Variants in DIAPH3 observed in about 807,000 individuals in gnomAD.
DIAPH3 encodes diaphanous related formin 3, also known as protein diaphanous homolog 3.
Under a neutral mutation model 144.3 loss-of-function variants are expected in DIAPH3, and 117 were observed. The ratio of observed to expected loss-of-function variants is 0.81; its 90% CI spans 0.70 to 0.95. The LOEUF is 0.95. Ranked by LOEUF, DIAPH3 falls within the 40% of genes least tolerant of loss-of-function variation. The pLI is 0.00. For synonymous variants in DIAPH3, 519 were observed against 488.9 expected (o/e 1.06, Z -0.81); for missense variants, 1,421 against 1,412.7 (o/e 1.01, Z -0.09).
chr13:59,752,090 T>A (rs961075101), intron 27 of DIAPH3, among the ~76,000 whole-genome samples: 1 of 152,234 alleles, frequency 6.6e-6, no homozygotes, highest in Admixed American at 6.5e-5. Flanking sequence ...TCCCAGCCAA[T>A]ATCCTTGTTA....
At chr13:60,075,612 G>A (rs2057353317) in intron 4 of DIAPH3, among the ~76,000 whole-genome samples, 1 of 152,118 alleles carries the variant, frequency 6.6e-6, no homozygotes, top group South Asian at 2.1e-4. Context: ...TAAAACCTCA[G>A]TCTTAATTAT....
intron 24 of DIAPH3, among the ~76,000 whole-genome samples, chr13:59,815,924 G>A (rs962377943): frequency 6.6e-6 from 1 of 151,804 alleles, no homozygotes; most frequent in Non-Finnish European, 1.5e-5. Context: ...TTGCTATACT[G>A]ACTAGGAGTT....
chr13:59,791,813 C>T (rs1014579998), intron 25 of DIAPH3, among the ~76,000 whole-genome samples: 1 of 152,144 alleles, frequency 6.6e-6, no homozygotes, highest in African/African-American at 2.4e-5. Flanking sequence ...ACAGATGCTC[C>T]TTCCTCAGAG....
At chr13:59,725,607 C>A (rs1040362736) in intron 27 of DIAPH3, among the ~76,000 whole-genome samples, 2 of 152,174 alleles carry the variant, frequency 1.3e-5, no homozygotes, top group African/African-American at 4.8e-5. Flanking sequence ...TCATCCAATA[C>A]TTGATTCCAT....
intron 27 of DIAPH3, among the ~76,000 whole-genome samples, chr13:59,764,313 T>C (rs1157956945): frequency 6.6e-6 from 1 of 151,662 alleles, no homozygotes; most frequent in East Asian, 2.0e-4. Flanking sequence ...AGTCAGACTG[T>C]CTAGATGGTG....
chr13:59,760,784 C>A (rs866598832), intron 27 of DIAPH3, among the ~76,000 whole-genome samples: 1 of 152,006 alleles, frequency 6.6e-6, no homozygotes, highest in Non-Finnish European at 1.5e-5. Flanking sequence ...ATGAGTGATG[C>A]GCTATTGTTT....
intron 20 of DIAPH3, among the ~76,000 whole-genome samples, chr13:59,893,926 G>T (rs1047843373): frequency 1.4e-4 from 21 of 152,206 alleles, no homozygotes; most frequent in African/African-American, 4.6e-4. Context: ...ACGACAGCTT[G>T]CTGTGTTTCT....
At chr13:59,666,905 C>T (rs947039687) in intron 27 of DIAPH3, 59 bp from the exon 28 acceptor site, 23 of 1,575,028 alleles carry the variant, frequency 1.5e-5, no homozygotes, top group African/African-American at 8.1e-5. Context: ...GGACTGTGCA[C>T]GTTATGAAAC....
At chr13:59,693,211 A>C (rs1429277173) in intron 27 of DIAPH3, among the ~76,000 whole-genome samples, 1 of 152,124 alleles carries the variant, frequency 6.6e-6, no homozygotes, top group Non-Finnish European at 1.5e-5. Flanking sequence ...GACCAAAGAG[A>C]AGAGTGACTG....
At chr13:59,970,198 G>A (rs772867936) in intron 16 of DIAPH3, 140 bp from the exon 17 acceptor site, 21 of 457,826 alleles carry the variant, frequency 4.6e-5, no homozygotes, top group Non-Finnish European at 7.4e-5. Flanking sequence ...CCTGAAGTGT[G>A]TTCAATAAGA....
At chr13:59,843,966 G>T (rs1244907588) in intron 22 of DIAPH3, among the ~76,000 whole-genome samples, 1 of 152,144 alleles carries the variant, frequency 6.6e-6, no homozygotes, top group African/African-American at 2.4e-5. Flanking sequence ...CGGGCAGGAG[G>T]AGGGAGAGAA....
intron 5 of DIAPH3, among the ~76,000 whole-genome samples, chr13:60,038,753 C>A (rs1010371147): frequency 2.0e-4 from 31 of 151,892 alleles, no homozygotes; most frequent in Non-Finnish European, 3.8e-4. Flanking sequence ...AACACAAAAA[C>A]CTGATAAGCC....
chr13:59,995,648 T>C (rs2052141721), intron 9 of DIAPH3, among the ~76,000 whole-genome samples: 1 of 151,936 alleles, frequency 6.6e-6, no homozygotes, highest in African/African-American at 2.4e-5. Flanking sequence ...GTTTTGGGCC[T>C]GAGCAACTTA....
At chr13:59,798,747 C>G (rs1353001696) in intron 25 of DIAPH3, among the ~76,000 whole-genome samples, 1 of 152,142 alleles carries the variant, frequency 6.6e-6, no homozygotes, top group Non-Finnish European at 1.5e-5. Context: ...AGAAAAGATG[C>G]CCCCATCTGG....
intron 27 of DIAPH3, among the ~76,000 whole-genome samples, chr13:59,726,000 A>G (rs1309627926): frequency 6.6e-6 from 1 of 152,160 alleles, no homozygotes. Flanking sequence ...TTCCAACCTG[A>G]TTATTAACTT....
At chr13:59,861,293 T>G in intron 22 of DIAPH3, 114 bp downstream of exon 22, 1 of 1,578,070 alleles carries the variant, frequency 6.3e-7, no homozygotes, top group Middle Eastern at 1.7e-4. Context: ...AATGAGATAT[T>G]GGGTATGAAA....
At chr13:60,085,647 A>C (rs1371662539) in intron 4 of DIAPH3, among the ~76,000 whole-genome samples, 5 of 152,094 alleles carry the variant, frequency 3.3e-5, no homozygotes, top group Admixed American at 2.6e-4. Context: ...CATTTCATCA[A>C]TTACTTAGCC....
At chr13:59,777,736 T>C (rs1262881691) in intron 25 of DIAPH3, among the ~76,000 whole-genome samples, 1 of 152,146 alleles carries the variant, frequency 6.6e-6, no homozygotes, top group Non-Finnish European at 1.5e-5. Flanking sequence ...GTAAGGGACA[T>C]TCTGTGACAC....
At chr13:59,705,890 T>C (rs1310593046) in intron 27 of DIAPH3, among the ~76,000 whole-genome samples, 1 of 152,082 alleles carries the variant, frequency 6.6e-6, no homozygotes, top group African/African-American at 2.4e-5. Flanking sequence ...AGGTTTTTAA[T>C]AATGAAGAGT....
Sources: allele counts gnomAD v4.1 joint callset (sites outside exome capture counted in the v4.1 genomes callset), GRCh38; gene constraint gnomAD v4.1.1; transcripts MANE v1.5; gene names NCBI Gene and HGNC (gene_info 2026-07-23, HGNC 2026-07-21).